COG5: variants seen among roughly 807,000 people sequenced by gnomAD.
The protein encoded by COG5 is component of oligomeric golgi complex 5.
A neutral mutation model predicts 110.4 loss-of-function variants in COG5; 86 were observed. That is an observed-to-expected ratio of 0.78 (90% CI 0.65 to 0.93). The LOEUF is 0.93. Among genes scored for constraint, COG5 ranks in the 40% least tolerant of loss-of-function variants. The pLI, the probability that COG5 is intolerant of heterozygous loss-of-function variation, is 0.00. For synonymous variants in COG5, 360 were observed against 334.6 expected, an observed-to-expected ratio of 1.08 and a Z score of -0.83; for missense variants, 1,077 against 987.0, an observed-to-expected ratio of 1.09 and a Z score of -1.22.
At chr7:107,226,790 G>C (rs1360602043) in intron 19 of COG5, among the ~76,000 whole-genome samples, 1 of 152,146 alleles carries the variant, frequency 6.6e-6, no homozygotes, top group Non-Finnish European at 1.5e-5. Flanking sequence ...TTATAAAATA[G>C]TTGTATCAGT....
At chr7:107,451,906 T>C (rs1199291998) in intron 6 of COG5, among the ~76,000 whole-genome samples, 1 of 152,094 alleles carries the variant, frequency 6.6e-6, no homozygotes, top group African/African-American at 2.4e-5. Context: ...GAGTCAAAAG[T>C]TATACATGGA....
intron 11 of COG5, among the ~76,000 whole-genome samples, chr7:107,320,169 T>C (rs960700963): frequency 2.0e-5 from 3 of 151,930 alleles, no homozygotes; most frequent in Non-Finnish European, 4.4e-5. Flanking sequence ...CACTGAAAAA[T>C]TGGTGACTCT....
At chr7:107,436,829 A>G (rs1428527060) in intron 6 of COG5, among the ~76,000 whole-genome samples, 1 of 152,212 alleles carries the variant, frequency 6.6e-6, no homozygotes, top group Non-Finnish European at 1.5e-5. Context: ...TGTCATCAAG[A>G]CGCAGTGTGC....
intron 12 of COG5, among the ~76,000 whole-genome samples, chr7:107,297,687 T>C (rs1330961447): frequency 6.6e-6 from 1 of 152,074 alleles, no homozygotes; most frequent in Admixed American, 6.6e-5. Context: ...GACCTAGTGA[T>C]CCACTCTGCT....
At chr7:107,390,856 T>C (rs981433114) in intron 7 of COG5, among the ~76,000 whole-genome samples, 2 of 150,966 alleles carry the variant, frequency 1.3e-5, no homozygotes. Flanking sequence ...AAGGGGGAGA[T>C]GTAGGGTTTC....
chr7:107,387,284 G>C (rs547576584), intron 7 of COG5, among the ~76,000 whole-genome samples: 46 of 152,292 alleles, frequency 3.0e-4, no homozygotes, highest in African/African-American at 1.1e-3. Flanking sequence ...GCAACAGGAA[G>C]CCAGGCCAGG....
intron 6 of COG5, among the ~76,000 whole-genome samples, chr7:107,513,934 A>G (rs1464297867): frequency 6.6e-6 from 1 of 152,078 alleles, no homozygotes; most frequent in East Asian, 1.9e-4. Flanking sequence ...GCATTAGGAG[A>G]TATACCTAAT....
intron 14 of COG5, among the ~76,000 whole-genome samples, chr7:107,260,344 A>T (rs1350012386): frequency 6.6e-6 from 1 of 152,168 alleles, no homozygotes; most frequent in Non-Finnish European, 1.5e-5. Flanking sequence ...TTAAATGGTT[A>T]CATTTATATG....
chr7:107,504,477 T>C (rs1406962020), intron 6 of COG5, among the ~76,000 whole-genome samples: 1 of 152,126 alleles, frequency 6.6e-6, no homozygotes, highest in African/African-American at 2.4e-5. Flanking sequence ...TTATGTCCTT[T>C]CTGAGTTTTG....
At chr7:107,452,618 A>G (rs1297246185) in intron 6 of COG5, among the ~76,000 whole-genome samples, 1 of 152,150 alleles carries the variant, frequency 6.6e-6, no homozygotes, top group Non-Finnish European at 1.5e-5. Context: ...GGCCCCTATC[A>G]TCCATGAGAG....
chr7:107,508,394 G>C (rs1799204668), intron 6 of COG5, among the ~76,000 whole-genome samples: 1 of 152,218 alleles, frequency 6.6e-6, no homozygotes, highest in African/African-American at 2.4e-5. Context: ...GCTCCAACTG[G>C]GTGGAGCCCA....
chr7:107,299,006 A>G (rs554852214), intron 11 of COG5, among the ~76,000 whole-genome samples: 7 of 152,290 alleles, frequency 4.6e-5, no homozygotes, highest in African/African-American at 1.4e-4. Context: ...TTAACGCAAC[A>G]TATCAAAATT....
chr7:107,273,276 T>A (rs1804426592), intron 14 of COG5, among the ~76,000 whole-genome samples: 1 of 152,176 alleles, frequency 6.6e-6, no homozygotes, highest in Non-Finnish European at 1.5e-5. Context: ...TTTCTTTCGA[T>A]CTTATTATGA....
intron 6 of COG5, among the ~76,000 whole-genome samples, chr7:107,526,766 G>C (rs996086041): frequency 1.3e-5 from 2 of 152,120 alleles, no homozygotes; most frequent in African/African-American, 4.8e-5. Flanking sequence ...GTATTATTTT[G>C]AGTACAAGAA....
chr7:107,475,432 A>T, intron 6 of COG5: 3 of 701,938 alleles, frequency 4.3e-6, no homozygotes, highest in Non-Finnish European at 7.0e-6. Flanking sequence ...AACTGATATT[A>T]CTGCCAAATA....
chr7:107,520,007 C>T (rs1800213531), intron 6 of COG5, among the ~76,000 whole-genome samples: 1 of 152,150 alleles, frequency 6.6e-6, no homozygotes, highest in African/African-American at 2.4e-5. Flanking sequence ...AATCAATAAA[C>T]ATAATCCATC....
chr7:107,420,218 A>G (rs1350354278), intron 6 of COG5, among the ~76,000 whole-genome samples: 5 of 152,202 alleles, frequency 3.3e-5, no homozygotes, highest in Non-Finnish European at 7.3e-5. Context: ...AACTTTTCTG[A>G]GACTCCAACA....
At chr7:107,360,572 T>C (rs1187585834) in intron 10 of COG5, among the ~76,000 whole-genome samples, 5 of 152,082 alleles carry the variant, frequency 3.3e-5, no homozygotes, top group South Asian at 4.1e-4. Flanking sequence ...TGGTGTCTCT[T>C]GAGTTTCCAG....
intron 10 of COG5, among the ~76,000 whole-genome samples, chr7:107,337,570 T>A (rs1810809690): frequency 6.6e-6 from 1 of 151,814 alleles, no homozygotes; most frequent in African/African-American, 2.4e-5. Context: ...TACTCATATA[T>A]GGCATATATG....
Sources: gnomAD v4.1 joint callset for allele counts (sites outside exome capture counted in the v4.1 genomes callset) on GRCh38, gnomAD v4.1.1 for gene constraint, MANE v1.5 for transcripts, NCBI Gene and HGNC (gene_info 2026-07-23, HGNC 2026-07-21) for gene names.